The following INPP4B variants were observed in gnomAD, a reference collection of about 807,000 sequenced individuals.
INPP4B encodes the protein inositol polyphosphate 4-phosphatase type II.
A neutral mutation model predicts 122.5 loss-of-function variants in INPP4B; 55 were observed. The ratio of observed to expected loss-of-function variants is 0.45; its 90% confidence interval spans 0.36 to 0.56. The LOEUF is 0.56. Ranked by LOEUF, INPP4B falls within the 20% of genes least tolerant of loss-of-function variation. The probability of loss-of-function intolerance (pLI) is 0.00; values close to 1 mark genes in which losing one functional copy is unlikely to be tolerated. For synonymous variants in INPP4B, 403 were observed against 388.7 expected (o/e 1.04, Z -0.43); for missense variants, 1,000 against 1,097.7 (o/e 0.91, Z 1.26).
intron 2 of INPP4B, among the ~76,000 whole-genome samples, chr4:142,616,997 G>C (rs116122773): frequency 0.011 from 1,647 of 152,176 alleles, 30 homozygotes; most frequent in African/African-American, 0.038. Flanking sequence ...ACATTGTGCA[G>C]TATTTGGGTG....
chr4:142,233,123 G>A (rs1855145041), intron 12 of INPP4B, among the ~76,000 whole-genome samples: 1 of 152,094 alleles, frequency 6.6e-6, no homozygotes. Context: ...CATTGATGAC[G>A]GTGGCTATCA....
At chr4:142,140,939 T>C (rs896265241) in intron 18 of INPP4B, among the ~76,000 whole-genome samples, 2 of 152,312 alleles carry the variant, frequency 1.3e-5, no homozygotes, top group African/African-American at 4.8e-5. Flanking sequence ...ACTCTGCAGC[T>C]ATTAACTGTA....
chr4:142,562,962 G>A (rs1438244768), intron 2 of INPP4B, among the ~76,000 whole-genome samples: 1 of 152,108 alleles, frequency 6.6e-6, no homozygotes, highest in African/African-American at 2.4e-5. Context: ...AAATGCTAGG[G>A]TTCAACACAC....
intron 7 of INPP4B, among the ~76,000 whole-genome samples, chr4:142,379,585 T>C (rs546808944): frequency 3.9e-5 from 6 of 152,304 alleles, no homozygotes; most frequent in African/African-American, 1.4e-4. Context: ...AAGGAAAGCC[T>C]GTGTTTCTTT....
At chr4:142,217,582 T>A (rs1246148045) in intron 12 of INPP4B, among the ~76,000 whole-genome samples, 1 of 152,190 alleles carries the variant, frequency 6.6e-6, no homozygotes, top group Non-Finnish European at 1.5e-5. Flanking sequence ...CAAGTCTTCC[T>A]TAGGGATAAA....
intron 2 of INPP4B, among the ~76,000 whole-genome samples, chr4:142,620,090 C>G (rs146258762): frequency 9.9e-5 from 15 of 151,938 alleles, no homozygotes; most frequent in African/African-American, 3.1e-4. Context: ...TGGAAAGCAT[C>G]GTGGAGATTT....
intron 11 of INPP4B, among the ~76,000 whole-genome samples, chr4:142,257,663 T>C (rs539338947): frequency 6.8e-4 from 103 of 152,306 alleles, no homozygotes; most frequent in African/African-American, 2.2e-3. Flanking sequence ...GTGAAGGATT[T>C]CTTCAAGGAG....
intron 2 of INPP4B, among the ~76,000 whole-genome samples, chr4:142,638,842 G>A (rs948410059): frequency 4.6e-5 from 7 of 152,080 alleles, no homozygotes; most frequent in South Asian, 2.1e-4. Context: ...CACCATGCCC[G>A]GCCTAGTTGT....
At chr4:142,083,527 GT>G (rs1320321409) in intron 24 of INPP4B, among the ~76,000 whole-genome samples, 1 of 152,162 alleles carries the variant, frequency 6.6e-6, no homozygotes, top group African/African-American at 2.4e-5. Context: ...TAGATCTAAT[GT>G]GATATAACAA....
chr4:142,085,600 A>G (rs1366269706), intron 24 of INPP4B, among the ~76,000 whole-genome samples: 12 of 152,202 alleles, frequency 7.9e-5, no homozygotes, highest in Non-Finnish European at 1.8e-4. Context: ...CAGCTCTTTT[A>G]CCCCAAGGGC....
At chr4:142,495,893 G>A (rs1361358176) in intron 2 of INPP4B, among the ~76,000 whole-genome samples, 1 of 152,112 alleles carries the variant, frequency 6.6e-6, no homozygotes, top group African/African-American at 2.4e-5. Flanking sequence ...TTGCTTAGGT[G>A]AATACCGAAT....
intron 2 of INPP4B, among the ~76,000 whole-genome samples, chr4:142,463,886 T>C (rs1366299016): frequency 6.6e-6 from 1 of 152,186 alleles, no homozygotes; most frequent in East Asian, 1.9e-4. Flanking sequence ...CAATTAAACC[T>C]CTTTCCTTTA....
At chr4:142,537,427 TATAGAGAGAGAGAG>T (rs1398406797) in intron 2 of INPP4B, among the ~76,000 whole-genome samples, 540 of 33,832 alleles carry the variant, frequency 0.016, 2 homozygotes, top group East Asian at 0.033. Flanking sequence ...TATATATATA[TATAGAGAGAGAGAG>T]AGAGAGAGAG....
At chr4:142,235,647 G>A (rs971099454) in intron 12 of INPP4B, among the ~76,000 whole-genome samples, 1 of 152,078 alleles carries the variant, frequency 6.6e-6, no homozygotes, top group African/African-American at 2.4e-5. Flanking sequence ...GGATGGTCTC[G>A]ATCTCCTGAC....
At chr4:142,363,207 T>C (rs1387687075) in intron 7 of INPP4B, among the ~76,000 whole-genome samples, 1 of 152,110 alleles carries the variant, frequency 6.6e-6, no homozygotes, top group Middle Eastern at 3.4e-3. Flanking sequence ...TGTGCATACA[T>C]GACAAGTTTT....
chr4:142,821,791 G>A (rs1780825237), intron 1 of INPP4B, among the ~76,000 whole-genome samples: 1 of 152,116 alleles, frequency 6.6e-6, no homozygotes, highest in South Asian at 2.1e-4. Context: ...ACACTAGTCT[G>A]ACCGTTATGC....
intron 18 of INPP4B, among the ~76,000 whole-genome samples, chr4:142,135,550 ACT>A (rs989137505): frequency 6.6e-6 from 1 of 152,032 alleles, no homozygotes; most frequent in African/African-American, 2.4e-5. Flanking sequence ...AGGAACATAT[ACT>A]CTCTACTTTG....
intron 2 of INPP4B, among the ~76,000 whole-genome samples, chr4:142,577,628 G>A (rs1484149887): frequency 6.6e-6 from 1 of 151,932 alleles, no homozygotes; most frequent in Non-Finnish European, 1.5e-5. Context: ...TTATAAAAAC[G>A]TACATGTTAT....
At chr4:142,266,874 A>G (rs1743076911) in intron 10 of INPP4B, among the ~76,000 whole-genome samples, 3 of 152,194 alleles carry the variant, frequency 2.0e-5, no homozygotes, top group Admixed American at 2.0e-4. Flanking sequence ...AGTAAAGTTG[A>G]AGGATACACA....
Sources: gnomAD v4.1 joint callset for allele counts (sites outside exome capture counted in the v4.1 genomes callset) on GRCh38, gnomAD v4.1.1 for gene constraint, MANE v1.5 for transcripts, NCBI Gene and HGNC (gene_info 2026-07-23, HGNC 2026-07-21) for gene names.